The following RALGAPB variants were observed in gnomAD, a reference collection of about 807,000 sequenced individuals.
The protein encoded by RALGAPB is Ral GTPase activating protein non-catalytic subunit beta.
In RALGAPB, 25 loss-of-function variants were observed where a neutral mutation model predicts 161.1. The ratio of observed to expected loss-of-function variants is 0.16; its 90% confidence interval spans 0.11 to 0.22. The LOEUF (loss-of-function observed/expected upper bound fraction) is 0.22, where lower values mean the gene tolerates loss of function less well. RALGAPB is among the 10% of genes least tolerant of loss of function. The probability of loss-of-function intolerance (pLI) is 1.00; values close to 1 mark genes in which losing one functional copy is unlikely to be tolerated. For missense variants in RALGAPB, 1,391 were observed against 1,815.2 expected, an observed-to-expected ratio of 0.77 and a Z score of 4.25; for synonymous variants, 629 against 626.1, an observed-to-expected ratio of 1.00 and a Z score of -0.07.
chr20:38,521,643 A>C lies in RALGAPB; in HGVS notation c.1564A>C (p.Arg522=). 1.2e-6 allele frequency: 2 copies of C among 1,614,208 alleles called. No individual in the cohort carries two copies. Among genetic ancestry groups the C allele is most frequent in the South Asian group, 1.1e-5 (1 of 91,082 alleles). ...AGCTGAGGCTTGTGGGACACTGTGT[A>C]GGATTTTTTGTAGCAAGAAGACTGG... ...GRAEACGTLC[R]IFCSKKTGEE... The change falls in exon 10 of 30, where the codon AGG becomes CGG. Residue 522 remains arginine (R), a synonymous_variant. Transcript: ENST00000262879.
intron 16 of RALGAPB, among the ~76,000 whole-genome samples, chr20:38,538,732 A>G (rs368853779): frequency 3.3e-5 from 5 of 152,220 alleles, no homozygotes; most frequent in Admixed American, 6.5e-5. Context: ...CTGCAAATCT[A>G]TTAGAATGGC....
In RALGAPB at chr20:38,476,870, A is replaced by G. The variant is rs1360869059; in HGVS notation, c.-31+3801A>G. Among the ~76,000 whole-genome samples, 4 of 152,318 alleles carry G rather than the reference A, an allele frequency of 2.6e-5. No homozygotes were observed. In the East Asian group the frequency reaches 7.7e-4, roughly 29 times the overall value. On this transcript the variant is annotated intron_variant, in intron 1 of 29. Coordinates refer to ENST00000262879, the MANE Select transcript of RALGAPB (RefSeq NM_020336.4). ...GTACTGAAAGTGAAAAACAATGGTT[A>G]TGTGGATAATCAGAGTACGGTTTTT...
chr20:38,509,388 A>G (rs2085866473), intron 6 of RALGAPB, among the ~76,000 whole-genome samples, 180 bp downstream of exon 6: 1 of 152,208 alleles, frequency 6.6e-6, no homozygotes, highest in South Asian at 2.1e-4. Context: ...CCGTCCCAGC[A>G]GGGTTAGGCT....
intron 5 of RALGAPB, among the ~76,000 whole-genome samples, chr20:38,501,338 G>T (rs73292723): frequency 0.039 from 5,885 of 152,244 alleles, 184 homozygotes; most frequent in African/African-American, 0.09. Flanking sequence ...CTGGCTGTGT[G>T]CAGTGGCTCA....
rs770602371 is a variant in RALGAPB at position 38,532,796 on chromosome 20, G to A, written c.2182G>A (p.Gly728Arg). The change falls in exon 15 of 30, where the codon GGA becomes AGA. Residue 728 changes from glycine (G) to arginine (R), a missense_variant. Physicochemically the swap from Gly to Arg is moderately radical, Grantham distance 125. This residue lies in a region of RALGAPB where 946 missense variants were observed against 1,257.2 expected (regional missense o/e 0.75). Coordinates refer to ENST00000262879, the MANE Select transcript of RALGAPB (RefSeq NM_020336.4). The part of the protein sequence containing the change: ...TNSGISSASG[G>R]STEPTTPDSE... ...TAGTGGTATTAGTTCAGCAAGTGGT[G>A]GAAGCACGGAGCCCACGACTCCCGA... The A allele has an allele frequency of 4.3e-6, 7 of 1,614,036 alleles. No individual in the cohort carries two copies. The highest frequency in any genetic ancestry group is 1.7e-5 in the Admixed American group (1 of 60,028).
In RALGAPB at chr20:38,574,896, A is replaced by G; in HGVS notation, c.4414A>G (p.Asn1472Asp). Residue 1472 changes from asparagine to aspartate, a missense_variant, in exon 30 of 30, where the codon AAC (asparagine) becomes GAC (aspartate). Around this residue, in one of 3 missense-constraint regions of RALGAPB, gnomAD observed 436 missense variants for 527.0 expected, o/e 0.83. Transcript: ENST00000262879. Reference sequence around the variant, plus strand: ...CACCGACATTGTCAACAAGTACCGGAACAAGCAGCTGGAGCCAGAGTTTTA... The same window carrying G: ...CACCGACATTGTCAACAAGTACCGGGACAAGCAGCTGGAGCCAGAGTTTTA... ...KITDIVNKYR[N>D]KQLEPEFYTS... is the part of the protein sequence containing the mutation. 6.2e-7 allele frequency: 1 copy of G among 1,614,142 alleles called. No individual in the cohort carries two copies. Among genetic ancestry groups the G allele is most frequent in the Non-Finnish European group, 8.5e-7 (1 of 1,179,944 alleles).
chr20:38,526,581 T>C (rs2086478420), intron 13 of RALGAPB, among the ~76,000 whole-genome samples: 1 of 152,234 alleles, frequency 6.6e-6, no homozygotes, highest in African/African-American at 2.4e-5. Flanking sequence ...GTTTAGCTTT[T>C]CTTCATCATC....
chr20:38,574,842 C>T lies in RALGAPB; in HGVS notation c.4360C>T (p.Pro1454Ser), dbSNP rs1430853518. 1 of 1,612,792 alleles carries T rather than the reference C, an allele frequency of 6.2e-7. No homozygotes were observed. The highest frequency in any genetic ancestry group is 8.5e-7 in the Non-Finnish European group (1 of 1,178,852). ...GAGACTGGAAAGTGACTCCTACAGT[C>T]CCCCCCATGTCCGCCGGAAACAGAA... The part of the protein sequence containing the change: ...RKRLESDSYS[P>S]PHVRRKQKIT... Residue 1454 changes from proline to serine, a missense_variant, in exon 30 of 30, where the codon CCC becomes TCC. Around this residue, in one of 3 missense-constraint regions of RALGAPB, gnomAD observed 436 missense variants for 527.0 expected, o/e 0.83. Transcript: ENST00000262879.
At position 38,488,556 on chromosome 20, in the gene RALGAPB, G is replaced by T; in HGVS notation, c.124G>T (p.Gly42Trp). 1 of 1,614,164 alleles carries T rather than the reference G, an allele frequency of 6.2e-7. No homozygotes were observed. Residue 42 changes from glycine to tryptophan, a missense_variant, in exon 2 of 30, where the codon GGG (glycine) becomes TGG (tryptophan). Gly to Trp is a radical substitution (Grantham distance 184, BLOSUM62 -2). Coordinates refer to ENST00000262879, the MANE Select transcript of RALGAPB (RefSeq NM_020336.4). ...EVANAVVRPL[G>W]QVLGTPSVAG... is the part of the protein sequence containing the mutation. ...GGCAAATGCTGTAGTCCGTCCTCTT[G>T]GGCAGGTGTTAGGTACCCCTTCAGT...
intron 15 of RALGAPB, 66 bp downstream of exon 15, chr20:38,532,925 C>T: frequency 6.7e-7 from 1 of 1,485,376 alleles, no homozygotes; most frequent in Non-Finnish European, 9.2e-7. Flanking sequence ...ATTTATAAAA[C>T]AAAAACATTA....
intron 1 of RALGAPB, among the ~76,000 whole-genome samples, chr20:38,475,613 T>C (rs1347648278): frequency 6.6e-6 from 1 of 151,884 alleles, no homozygotes; most frequent in Non-Finnish European, 1.5e-5. Flanking sequence ...TAAAATTTTT[T>C]TTTTCTTTTT....
At chr20:38,513,797 A>T (rs1275393757) in intron 6 of RALGAPB, among the ~76,000 whole-genome samples, 3 of 152,212 alleles carry the variant, frequency 2.0e-5, no homozygotes, top group Non-Finnish European at 4.4e-5. Context: ...ATGTTGAACC[A>T]TCTATCATTC....
chr20:38,512,905 G>A (rs1410814570), intron 6 of RALGAPB, among the ~76,000 whole-genome samples: 2 of 151,932 alleles, frequency 1.3e-5, no homozygotes, highest in East Asian at 1.9e-4. Context: ...GACTACAGGC[G>A]CCCACCACCA....
chr20:38,526,128 G>T, intron 13 of RALGAPB, 86 bp downstream of exon 13: 2 of 1,420,118 alleles, frequency 1.4e-6, no homozygotes, highest in Non-Finnish European at 1.9e-6. Context: ...GGTAATGGGA[G>T]CCTAAACCTA....
intron 9 of RALGAPB, among the ~76,000 whole-genome samples, chr20:38,518,816 A>G (rs904424574): frequency 6.6e-6 from 1 of 152,148 alleles, no homozygotes; most frequent in Non-Finnish European, 1.5e-5. Context: ...TTGGTAAGAA[A>G]CCACTCTTCT....
Position 38,512,054 on chromosome 20 carries a change from T to G in RALGAPB, c.872+2846T>G, listed in dbSNP as rs181178970. On this transcript the variant is annotated intron_variant, in intron 6 of 29. Transcript: ENST00000262879. ...AATTTTGCGTATCTTCTTGAAATGT[T>G]TTACAGTTTTCTTCACAAAGATTTT... Among the ~76,000 whole-genome samples, 147 of 152,348 alleles carry G rather than the reference T, an allele frequency of 9.6e-4. 2 individuals carry two copies. The highest frequency in any genetic ancestry group is 1.8e-3 in the Non-Finnish European group (123 of 68,032).
chr20:38,508,558 A>G (rs2085837908), intron 5 of RALGAPB, among the ~76,000 whole-genome samples: 1 of 151,986 alleles, frequency 6.6e-6, no homozygotes, highest in African/African-American at 2.4e-5. Flanking sequence ...TTTTAATACT[A>G]ATTATTTTAA....
intron 7 of RALGAPB, 46 bp downstream of exon 7, chr20:38,516,416 A>G (rs1600916230): frequency 3.2e-6 from 5 of 1,544,664 alleles, no homozygotes; most frequent in South Asian, 1.2e-5. Context: ...CTTCATTTAG[A>G]TAACTCTAGA....
chr20:38,480,056 A>C (rs1224414103), intron 1 of RALGAPB, among the ~76,000 whole-genome samples: 2 of 151,494 alleles, frequency 1.3e-5, no homozygotes, highest in Non-Finnish European at 2.9e-5. Flanking sequence ...ATTTTGGCTC[A>C]CTGCATCCTC....
Sources: gnomAD v4.1 joint callset for allele counts (sites outside exome capture counted in the v4.1 genomes callset) on GRCh38, gnomAD v4.1.1 for gene constraint, gnomAD v4.1.1 regional missense constraint, MANE v1.5 for transcripts, NCBI Gene and HGNC (gene_info 2026-07-23, HGNC 2026-07-21) for gene names.